The following DZIP1 variants were observed in gnomAD, a reference collection of about 807,000 sequenced individuals.
DZIP1 encodes the protein cilium assembly protein DZIP1.
DZIP1 carries 97 observed loss-of-function variants against 107.6 expected under a neutral mutation model. The observed-to-expected ratio is 0.90, with a 90% confidence interval of 0.77 to 1.07. The LOEUF is 1.07. Ranked by LOEUF, DZIP1 falls within the 50% of genes least tolerant of loss-of-function variation. The pLI is 0.00. For missense variants in DZIP1, 1,035 were observed against 1,063.6 expected (o/e 0.97, Z 0.37); for synonymous variants, 390 against 386.4 (o/e 1.01, Z -0.11).
At chr13:95,642,499 T>G (rs1878656168) in intron 3 of DZIP1, among the ~76,000 whole-genome samples, 1 of 152,056 alleles carries the variant, frequency 6.6e-6, no homozygotes, top group Non-Finnish European at 1.5e-5. Flanking sequence ...ATTCCATCAT[T>G]AATAGAAAAA....
chr13:95,590,733 G>T (rs544777285), intron 16 of DZIP1, among the ~76,000 whole-genome samples: 3 of 152,244 alleles, frequency 2.0e-5, no homozygotes, highest in Non-Finnish European at 2.9e-5. Context: ...GGCCATCGAA[G>T]GCCCCAGTGG....
chr13:95,629,033 AAGAAAG>A (rs1335377650), intron 7 of DZIP1, among the ~76,000 whole-genome samples: 8 of 152,236 alleles, frequency 5.3e-5, no homozygotes, highest in Non-Finnish European at 1.2e-4. Flanking sequence ...ACAATTTAAA[AAGAAAG>A]AGAAAGAGTG....
chr13:95,610,226 AG>A (rs2044951700), intron 12 of DZIP1, among the ~76,000 whole-genome samples: 2 of 152,112 alleles, frequency 1.3e-5, no homozygotes, highest in African/African-American at 4.8e-5. Flanking sequence ...CATTAAACTT[AG>A]AACAAACCTG....
chr13:95,600,722 A>G (rs1264543499), intron 14 of DZIP1, among the ~76,000 whole-genome samples: 1 of 152,128 alleles, frequency 6.6e-6, no homozygotes, highest in Non-Finnish European at 1.5e-5. Flanking sequence ...CATTGGCTGT[A>G]TGGGAGAAAC....
In DZIP1 at chr13:95,579,044, A is replaced by G. The variant is rs1217919115; in HGVS notation, c.*3190T>C. On this transcript the variant is annotated 3_prime_UTR_variant, in exon 23 of 23. Coordinates refer to ENST00000376829, the MANE Select transcript of DZIP1 (RefSeq NM_198968.4). ...ACCTGTTTATGCCTAGTGTTCCATT[A>G]TTGGAACACTAAGCATGTGGGAGTT... is the stretch of plus-strand genomic sequence containing the variant. 1 of 152,190 alleles carries G rather than the reference A, an allele frequency of 6.6e-6. No individual in the cohort carries two copies. The highest frequency in any genetic ancestry group is 1.5e-5 in the Non-Finnish European group (1 of 68,018). The allele number at this position is 152,190 out of a possible 1,614,324, so 9.4% of individuals were successfully genotyped here. A position where few individuals can be genotyped will look rare whatever the true frequency, so the allele number is the denominator to read the frequency against.
intron 14 of DZIP1, among the ~76,000 whole-genome samples, chr13:95,604,609 C>T (rs748371784): frequency 3.3e-5 from 5 of 152,298 alleles, no homozygotes; most frequent in Admixed American, 6.5e-5. Context: ...TCGATTTGTC[C>T]GGACCCTTGA....
intron 5 of DZIP1, among the ~76,000 whole-genome samples, chr13:95,634,859 C>T (rs1877603404): frequency 1.3e-5 from 2 of 152,136 alleles, no homozygotes; most frequent in Non-Finnish European, 2.9e-5. Context: ...TAATATTTCA[C>T]ATATTGTCTT....
intron 16 of DZIP1, among the ~76,000 whole-genome samples, chr13:95,591,973 TA>T (rs2044322362): frequency 6.6e-6 from 1 of 152,140 alleles, no homozygotes; most frequent in East Asian, 1.9e-4. Flanking sequence ...ACAATTAAAT[TA>T]GTATGGTATG....
intron 9 of DZIP1, among the ~76,000 whole-genome samples, chr13:95,621,664 C>CTG (rs1282902879): frequency 4.1e-4 from 35 of 86,396 alleles, no homozygotes; most frequent in Non-Finnish European, 7.4e-4. Flanking sequence ...GACCAGTTAG[C>CTG]AGTGTGTGTG....
chr13:95,641,877 C>A lies in DZIP1; in HGVS notation c.37-22G>T. ...AGGGCTGCGGGGGGCACAAAGAGAG[C>A]GCGGCGGGAGGCGGGGATGGGGGGC... On this transcript the variant is annotated intron_variant, in intron 4 of 22. Transcript: ENST00000376829. This position sits in a 1 kb window ranked among gnomAD's most constrained non-coding sequence, Gnocchi z 4.3. 9.5e-7 allele frequency: 1 copy of A among 1,057,736 alleles called. No individual in the cohort carries two copies. Among genetic ancestry groups the A allele is most frequent in the Non-Finnish European group, 1.2e-6 (1 of 826,258 alleles). 65.5% of individuals were successfully genotyped at this position (1,057,736 alleles called of 1,614,324 possible).
intron 6 of DZIP1, chr13:95,630,593 G>T: frequency 1.8e-6 from 1 of 569,308 alleles, no homozygotes; most frequent in Non-Finnish European, 2.5e-6. Flanking sequence ...CAGAGGACTT[G>T]GGGGGCATTC....
chr13:95,620,471 A>C (rs944359992), intron 9 of DZIP1, among the ~76,000 whole-genome samples: 17 of 152,224 alleles, frequency 1.1e-4, no homozygotes, highest in African/African-American at 3.9e-4. Context: ...AAATGCTTAA[A>C]TACATTTGCA....
At chr13:95,638,661 AC>A (rs1411033279) in intron 5 of DZIP1, among the ~76,000 whole-genome samples, 2 of 151,054 alleles carry the variant, frequency 1.3e-5, no homozygotes, top group Admixed American at 1.3e-4. Flanking sequence ...ACACACACAC[AC>A]GCACACCCCA....
chr13:95,617,466 G>A (rs1875255920), intron 10 of DZIP1, among the ~76,000 whole-genome samples: 1 of 151,980 alleles, frequency 6.6e-6, no homozygotes, highest in African/African-American at 2.4e-5. Context: ...CCTATCCCAC[G>A]GACATTGAGA....
chr13:95,619,014 A>G (rs903017775), intron 10 of DZIP1, among the ~76,000 whole-genome samples: 3 of 152,240 alleles, frequency 2.0e-5, no homozygotes, highest in Admixed American at 6.5e-5. Context: ...GTTTGTTTTC[A>G]TTAAAGCGAT....
At chr13:95,594,192 T>C (rs896942345) in intron 15 of DZIP1, 106 bp from the exon 16 acceptor site, 35 of 897,854 alleles carry the variant, frequency 3.9e-5, no homozygotes, top group Middle Eastern at 3.1e-4. Context: ...CAAGTAAGTA[T>C]TTGTGATGTT....
chr13:95,630,928 GATTA>G lies in DZIP1; in HGVS notation c.686-819_686-816del, dbSNP rs549694709. ...GTCAGTTTCACGCTGAAGAATGGTA[GATTA>G]ATTAAAATATTTCATCTTTCCAAAA... On this transcript the variant is annotated intron_variant, in intron 6 of 22. Coordinates refer to ENST00000376829, the MANE Select transcript of DZIP1 (RefSeq NM_198968.4). 19 of 315,768 alleles carry G rather than the reference GATTA, an allele frequency of 6.0e-5. No homozygotes were observed. In the East Asian group the frequency reaches 1.9e-3, roughly 32 times the overall value. The allele number at this position is 315,768 out of a possible 1,614,324, so 19.6% of individuals were successfully genotyped here.
chr13:95,619,859 T>G, intron 10 of DZIP1, 26 bp downstream of exon 10: 4 of 1,611,562 alleles, frequency 2.5e-6, no homozygotes, highest in Non-Finnish European at 3.4e-6. Flanking sequence ...ATGGCCCACT[T>G]TAGGCCACTG....
chr13:95,612,433 A>G (rs2139133754), intron 10 of DZIP1, among the ~76,000 whole-genome samples: 1 of 152,352 alleles, frequency 6.6e-6, no homozygotes, highest in Admixed American at 6.5e-5. Context: ...ACTACAGCAC[A>G]TAACACGAAA....
Sources: gnomAD v4.1 joint callset for allele counts (sites outside exome capture counted in the v4.1 genomes callset) on GRCh38, gnomAD v4.1.1 for gene constraint, Gnocchi (gnomAD v3.1) non-coding constraint, MANE v1.5 for transcripts, NCBI Gene and HGNC (gene_info 2026-07-23, HGNC 2026-07-21) for gene names.